Variants in TUBB1 observed in about 807,000 individuals in gnomAD.
TUBB1 encodes tubulin beta-1 chain.
A neutral mutation model predicts 22.6 loss-of-function variants in TUBB1; 28 were observed. The observed-to-expected ratio is 1.24, with a 90% CI of 0.92 to 1.70. The LOEUF (loss-of-function observed/expected upper bound fraction) is 1.70. Ranked by LOEUF, TUBB1 falls within the 40% of genes most tolerant of loss-of-function variation. The pLI, the probability that TUBB1 is intolerant of heterozygous loss-of-function variation, is 0.00. For synonymous variants in TUBB1, 226 were observed against 238.0 expected, an observed-to-expected ratio of 0.95 and a Z score of 0.46; for missense variants, 577 against 605.5, an observed-to-expected ratio of 0.95 and a Z score of 0.49.
In TUBB1 at chr20:59,024,652, G is replaced by C; in HGVS notation, c.1225G>C (p.Gly409Arg). 1 of 1,614,156 alleles carries C rather than the reference G, an allele frequency of 6.2e-7. No homozygotes were observed. Among genetic ancestry groups the C allele is most frequent in the Non-Finnish European group, 8.5e-7 (1 of 1,180,048 alleles). The change falls in exon 4 of 4, where the codon GGG (glycine) becomes CGG (arginine). Residue 409 changes from glycine (G) to arginine (R), a missense_variant. Coordinates refer to ENST00000217133, the MANE Select transcript of TUBB1 (RefSeq NM_030773.4). The surrounding 1 kb of genome is among the most constrained non-coding windows in gnomAD (Gnocchi z 4.9). Reference sequence around the variant, plus strand: ...CGAAGGGATGGACATAAACGAATTTGGGGAAGCTGAAAATAACATCCATGA... The same window carrying C: ...CGAAGGGATGGACATAAACGAATTTCGGGAAGCTGAAAATAACATCCATGA... ...TSEGMDINEF[G>R]EAENNIHDLV...
upstream of TUBB1, among the ~76,000 whole-genome samples, chr20:59,017,426 C>T (rs2091949422): frequency 6.6e-6 from 1 of 152,248 alleles, no homozygotes; most frequent in African/African-American, 2.4e-5. Flanking sequence ...TTCCCCACCT[C>T]TGGGTTTCTC....
Position 59,026,109 on chromosome 20 carries a change from G to A in TUBB1, c.*1326G>A, listed in dbSNP as rs966028264. The stretch of plus-strand genomic sequence containing the variant: ...GCAGGCAACTGGGTTCTCATCTCTT[G>A]ATTTGCTTTTGTAATCAGCAATAAT... On this transcript the variant is annotated 3_prime_UTR_variant, in exon 4 of 4. Transcript: ENST00000217133. The A allele has an allele frequency of 2.6e-5, 4 of 152,178 alleles. No individual in the cohort carries two copies. The highest frequency in any genetic ancestry group is 9.7e-5 in the African/African-American group (4 of 41,428). 9.4% of individuals were successfully genotyped at this position (152,178 alleles called of 1,614,324 possible).
chr20:59,024,160 C>T lies in TUBB1; in HGVS notation c.733C>T (p.Gln245Ter), dbSNP rs1206274060. Reference protein sequence around the residue: ...GITTSLRFPGQLNADLRKLAV... With the variant: ...GITTSLRFPG ...AACCACCTCCCTCCGGTTCCCGGGT[C>T]AGCTCAACGCAGACCTGCGCAAGCT... Residue 245 changes from glutamine (Q) to a stop codon, truncating the protein, a stop_gained, in exon 4 of 4, where the codon CAG (glutamine) becomes TAG (stop). Transcript: ENST00000217133. LOFTEE classifies it high-confidence loss of function. The surrounding 1 kb of genome is among the most constrained non-coding windows in gnomAD (Gnocchi z 4.9). 4 of 1,614,124 alleles carry T rather than the reference C, an allele frequency of 2.5e-6. No homozygotes were observed. Among genetic ancestry groups the T allele is most frequent in the Non-Finnish European group, 3.4e-6 (4 of 1,180,054 alleles).
chr20:59,020,021 A>G (rs904818934), intron 1 of TUBB1, among the ~76,000 whole-genome samples: 1 of 152,068 alleles, frequency 6.6e-6, no homozygotes, highest in Non-Finnish European at 1.5e-5. Flanking sequence ...GATTACAGGC[A>G]TGCACCACTA....
At chr20:59,023,337 T>C (rs1313697227) in intron 2 of TUBB1, among the ~76,000 whole-genome samples, 153 bp from the exon 3 acceptor site, 2 of 152,116 alleles carry the variant, frequency 1.3e-5, no homozygotes, top group East Asian at 1.9e-4. Context: ...GGGTAAAAAA[T>C]ATGATGTTAG....
chr20:59,022,451 C>T (rs918450115), intron 1 of TUBB1, among the ~76,000 whole-genome samples: 5 of 151,378 alleles, frequency 3.3e-5, no homozygotes, highest in African/African-American at 1.2e-4. Flanking sequence ...GATAAGAATT[C>T]AGTTTATTTT....
chr20:59,020,171 G>A (rs576784707), intron 1 of TUBB1, among the ~76,000 whole-genome samples: 1 of 152,124 alleles, frequency 6.6e-6, no homozygotes, highest in South Asian at 2.1e-4. Flanking sequence ...AGGCCACCGT[G>A]CCTGGCACTT....
rs2091989381 is a variant in TUBB1, at chr20:59,025,406, C to T, written c.*623C>T. 6.5e-6 allele frequency: 1 copy of T among 153,968 alleles called. No homozygotes were observed. Among genetic ancestry groups the T allele is most frequent in the Non-Finnish European group, 1.4e-5 (1 of 69,170 alleles). The allele number at this position is 153,968 out of a possible 1,614,324, so 9.5% of individuals were successfully genotyped here. On this transcript the variant is annotated 3_prime_UTR_variant, in exon 4 of 4. Transcript: ENST00000217133. ...ACTGGAAAAGAGGAAAAAAGAAAAG[C>T]CACAGTCCTCTCCACAAAAATACCT...
upstream of TUBB1, among the ~76,000 whole-genome samples, chr20:59,018,941 G>A (rs556335819): frequency 6.6e-6 from 1 of 152,358 alleles, no homozygotes; most frequent in Admixed American, 6.5e-5. Flanking sequence ...GAGGGCATGT[G>A]GGGGAGGGCG....
Position 59,024,094 on chromosome 20 carries a change from G to A in TUBB1, c.667G>A (p.Gly223Arg), listed in dbSNP as rs113940639. 5.7e-5 allele frequency: 92 copies of A among 1,614,162 alleles called. 1 individual carries two copies. In the African/African-American group the frequency reaches 1.0e-3, roughly 18 times the overall value. ...RTLKLTTPTY[G>R]DLNHLVSLTM... ...CCTGAAGCTGACGACACCCACCTAT[G>A]GGGATCTCAACCACCTAGTGTCCTT... is the stretch of plus-strand genomic sequence containing the variant. Residue 223 changes from glycine (G) to arginine (R), a missense_variant, in exon 4 of 4, where the codon GGG becomes AGG. Transcript: ENST00000217133. The surrounding 1 kb of genome is among the most constrained non-coding windows in gnomAD (Gnocchi z 4.9).
Position 59,023,808 on chromosome 20 carries a change from T to C in TUBB1, c.381T>C (p.Cys127=). The C allele has an allele frequency of 6.2e-7, 1 of 1,614,180 alleles. No individual in the cohort carries two copies. Among genetic ancestry groups the C allele is most frequent in the Non-Finnish European group, 8.5e-7 (1 of 1,180,014 alleles). The change falls in exon 4 of 4, where the codon TGT becomes TGC. Residue 127 remains cysteine (C), a synonymous_variant. Coordinates refer to ENST00000217133, the MANE Select transcript of TUBB1 (RefSeq NM_030773.4). The part of the protein sequence containing the change: ...LEVVRHESES[C]DCLQGFQIVH... ...TGGTGAGGCACGAGAGTGAGAGCTG[T>C]GACTGCCTGCAGGGCTTCCAGATCG...
Position 59,024,514 on chromosome 20 carries a change from A to G in TUBB1, c.1087A>G (p.Met363Val), listed in dbSNP as rs755316710. The stretch of plus-strand genomic sequence containing the variant: ...CGACATCCCGCCCCGGGGGCTGAGC[A>G]TGGCCGCCACCTTCATTGGCAACAA... ...VCDIPPRGLSMAATFIGNNTA... is the reference protein window; with the variant it reads ...VCDIPPRGLSVAATFIGNNTA... Residue 363 changes from methionine to valine, a missense_variant, in exon 4 of 4, where the codon ATG (methionine) becomes GTG (valine). Coordinates refer to ENST00000217133, the MANE Select transcript of TUBB1 (RefSeq NM_030773.4). This position sits in a 1 kb window ranked among gnomAD's most constrained non-coding sequence, Gnocchi z 4.9. 1 of 1,614,200 alleles carries G rather than the reference A, an allele frequency of 6.2e-7. No individual in the cohort carries two copies. Among genetic ancestry groups the G allele is most frequent in the Non-Finnish European group, 8.5e-7 (1 of 1,180,046 alleles).
At position 59,020,831 on chromosome 20, in the gene TUBB1, C is replaced by T. The variant is rs371071001; in HGVS notation, c.57+1252C>T. Among the ~76,000 whole-genome samples, 123 of 152,190 alleles carry T rather than the reference C, an allele frequency of 8.1e-4. 2 individuals carry two copies. In the East Asian group the frequency reaches 0.017, roughly 21 times the overall value. ...GGCCAACCCCAAGAACACAGATGCC[C>T]GAACCCACAATCTCCAATCTTGATT... is the stretch of plus-strand genomic sequence containing the variant. On this transcript the variant is annotated intron_variant, in intron 1 of 3. Transcript: ENST00000217133.
upstream of TUBB1, among the ~76,000 whole-genome samples, chr20:59,018,663 C>T (rs1454712432): frequency 6.6e-6 from 1 of 152,186 alleles, no homozygotes; most frequent in Non-Finnish European, 1.5e-5. Flanking sequence ...CCCACCTTGG[C>T]CTCTCAAAGT....
At position 59,019,533 on chromosome 20, in the gene TUBB1, T is replaced by C; in HGVS notation, c.11T>C (p.Ile4Thr). 1 of 1,614,160 alleles carries C rather than the reference T, an allele frequency of 6.2e-7. No homozygotes were observed. Among genetic ancestry groups the C allele is most frequent in the Non-Finnish European group, 8.5e-7 (1 of 1,180,032 alleles). MRE[I>T]VHIQIGQCGN... ...GGGCTCAGAGCAAGGATGCGTGAAA[T>C]TGTCCATATTCAGATTGGCCAGTGT... Residue 4 changes from isoleucine (I) to threonine (T), a missense_variant, in exon 1 of 4, where the codon ATT (isoleucine) becomes ACT (threonine). Ile to Thr is a moderately conservative substitution (Grantham distance 89, BLOSUM62 -1). Coordinates refer to ENST00000217133, the MANE Select transcript of TUBB1 (RefSeq NM_030773.4).
In TUBB1 at chr20:59,026,202, C is replaced by T. The variant is rs777707225; in HGVS notation, c.*1419C>T. 4 of 152,176 alleles carry T rather than the reference C, an allele frequency of 2.6e-5. No homozygotes were observed. Among genetic ancestry groups the T allele is most frequent in the Non-Finnish European group, 4.4e-5 (3 of 68,042 alleles). The allele number at this position is 152,176 out of a possible 1,614,324, so 9.4% of individuals were successfully genotyped here. A position where few individuals can be genotyped will look rare whatever the true frequency, so the allele number is the denominator to read the frequency against. On this transcript the variant is annotated 3_prime_UTR_variant, in exon 4 of 4. Coordinates refer to ENST00000217133, the MANE Select transcript of TUBB1 (RefSeq NM_030773.4). ...CTTCACTCTTTTCACTTATGCATCA[C>T]GAGGAAATAACTAAAATACATACCA...
chr20:59,024,790 G>A lies in TUBB1; in HGVS notation c.*7G>A. On this transcript the variant is annotated 3_prime_UTR_variant, in exon 4 of 4. Coordinates refer to ENST00000217133, the MANE Select transcript of TUBB1 (RefSeq NM_030773.4). The surrounding 1 kb of genome is among the most constrained non-coding windows in gnomAD (Gnocchi z 4.9). The stretch of plus-strand genomic sequence containing the variant: ...AGAAGATAAGGGACATTAACTGTGA[G>A]AGAAGCTGTGCCGCGGAGTCGCTTA... The A allele has an allele frequency of 1.2e-6, 2 of 1,613,724 alleles. No individual in the cohort carries two copies. Among genetic ancestry groups the A allele is most frequent in the South Asian group, 1.1e-5 (1 of 91,040 alleles).
rs777869750 is a variant in TUBB1 at position 59,024,530 on chromosome 20, T to A, written c.1103T>A (p.Ile368Asn). The A allele has an allele frequency of 6.2e-7, 1 of 1,614,084 alleles. No homozygotes were observed. The highest frequency in any genetic ancestry group is 1.3e-5 in the African/African-American group (1 of 74,928). The change falls in exon 4 of 4, where the codon ATT (isoleucine) becomes AAT (asparagine). Residue 368 changes from isoleucine (I) to asparagine (N), a missense_variant. Ile to Asn is a moderately radical substitution (Grantham distance 149). Coordinates refer to ENST00000217133, the MANE Select transcript of TUBB1 (RefSeq NM_030773.4). The surrounding 1 kb of genome is among the most constrained non-coding windows in gnomAD (Gnocchi z 4.9). ...PRGLSMAATF[I>N]GNNTAIQEIF... The stretch of plus-strand genomic sequence containing the variant: ...GGGCTGAGCATGGCCGCCACCTTCA[T>A]TGGCAACAACACGGCCATCCAAGAG...
At chr20:59,023,630 G>A (rs148703997) in intron 3 of TUBB1, 30 bp downstream of exon 3, 8 of 1,613,612 alleles carry the variant, frequency 5.0e-6, no homozygotes, top group Non-Finnish European at 5.1e-6. Context: ...TCCACCAGGA[G>A]GAGGGGGGGA....
Sources: gnomAD v4.1 joint callset for allele counts (sites outside exome capture counted in the v4.1 genomes callset) on GRCh38, gnomAD v4.1.1 for gene constraint, Gnocchi (gnomAD v3.1) non-coding constraint, MANE v1.5 for transcripts, NCBI Gene and HGNC (gene_info 2026-07-23, HGNC 2026-07-21) for gene names.